Variants in WASHC2C observed in about 807,000 individuals in gnomAD.
WASHC2C encodes the protein Vaccinia Penetration Factor.
WASHC2C carries 73 observed loss-of-function variants against 142.2 expected under a neutral mutation model. The observed-to-expected ratio is 0.51, with a 90% CI of 0.43 to 0.62. The LOEUF is 0.62. WASHC2C is among the 20% of genes least tolerant of loss of function. The pLI is 0.00. For missense variants in WASHC2C, 969 were observed against 1,531.7 expected (o/e 0.63, Z 6.13); for synonymous variants, 337 against 565.5 (o/e 0.60, Z 5.73).
rs565153938 is a variant in WASHC2C at position 45,743,921 on chromosome 10, G to A, written c.622+438G>A. Among the ~76,000 whole-genome samples the A allele has an allele frequency of 6.0e-5, 9 of 150,320 alleles. No individual in the cohort carries two copies. The South Asian group carries it at 1.9e-3, about 32-fold the overall frequency. ...GCACCACCACACCTGGCCAATTTTT[G>A]TATTTTTAGTAGAGATGGGGTTTCA... On this transcript the variant is annotated intron_variant, in intron 6 of 30. Transcript: ENST00000623400.
In WASHC2C at chr10:45,757,010, A is replaced by G; in HGVS notation, c.1421-2A>G. 3 of 1,590,656 alleles carry G rather than the reference A, an allele frequency of 1.9e-6. No individual in the cohort carries two copies. Among genetic ancestry groups the G allele is most frequent in the Non-Finnish European group, 2.6e-6 (3 of 1,168,038 alleles). ...CATTTTATGCCTTGGTATTTTTTAC[A>G]GGCAAAGTCCAATCCACTGCCGATA... is the stretch of plus-strand genomic sequence containing the variant. On this transcript the variant is annotated splice_acceptor_variant, in intron 15 of 30. Coordinates refer to ENST00000623400, the MANE Select transcript of WASHC2C (RefSeq NM_001330074.2). LOFTEE classifies it high-confidence loss of function.
intron 26 of WASHC2C, 127 bp downstream of exon 26, chr10:45,785,758 C>G (rs2057993424): frequency 5.1e-6 from 8 of 1,569,406 alleles, no homozygotes; most frequent in Non-Finnish European, 6.9e-6. Flanking sequence ...AGGGCTACAG[C>G]TTTGTCTTCA....
Position 45,789,507 on chromosome 10 carries a change from A to T in WASHC2C, c.3708+16A>T. 16 of 1,611,986 alleles carry T rather than the reference A, an allele frequency of 9.9e-6. No homozygotes were observed. Among genetic ancestry groups the T allele is most frequent in the Non-Finnish European group, 1.4e-5 (16 of 1,179,836 alleles). ...TATTTTTGAGGTAATAGGACTTAAC[A>T]CGTTTTTGTGTCTGTTCTAAGTTAA... On this transcript the variant is annotated intron_variant, in intron 29 of 30. Coordinates refer to ENST00000623400, the MANE Select transcript of WASHC2C (RefSeq NM_001330074.2).
intron 4 of WASHC2C, among the ~76,000 whole-genome samples, chr10:45,738,431 TCA>T (rs1425843913): frequency 2.0e-5 from 3 of 150,386 alleles, no homozygotes; most frequent in Non-Finnish European, 1.5e-5. Flanking sequence ...AGGTTCTGGG[TCA>T]CACTGACTTC....
chr10:45,792,159 G>C (rs2058431222), intron 30 of WASHC2C, 102 bp from the exon 31 acceptor site: 1 of 1,278,476 alleles, frequency 7.8e-7, no homozygotes, highest in South Asian at 1.3e-5. Flanking sequence ...GGTACTCCAT[G>C]CTGTTACGAG....
intron 28 of WASHC2C, among the ~76,000 whole-genome samples, 160 bp downstream of exon 28, chr10:45,787,407 C>A (rs1442243284): frequency 5.3e-5 from 8 of 150,434 alleles, no homozygotes; most frequent in African/African-American, 1.7e-4. Context: ...TTCTCCCCAC[C>A]CCCCTCATCC....
chr10:45,768,477 C>T (rs1487378684), intron 19 of WASHC2C, among the ~76,000 whole-genome samples: 4 of 152,066 alleles, frequency 2.6e-5, no homozygotes, highest in African/African-American at 4.8e-5. Context: ...AAAATAGGGG[C>T]GGGGCCTGAA....
At chr10:45,736,766 T>G (rs2134179047) in intron 3 of WASHC2C, among the ~76,000 whole-genome samples, 2 of 152,264 alleles carry the variant, frequency 1.3e-5, no homozygotes, top group East Asian at 3.9e-4. Flanking sequence ...TTAAAATACA[T>G]CTCTTTTCCA....
At chr10:45,771,429 G>T in intron 20 of WASHC2C, 5 of 984,362 alleles carry the variant, frequency 5.1e-6, no homozygotes, top group Non-Finnish European at 6.0e-6. Context: ...AAGAAATAGG[G>T]AGTAGAGGGC....
intron 23 of WASHC2C, among the ~76,000 whole-genome samples, chr10:45,781,461 T>TA (rs1164613997): frequency 1.3e-5 from 2 of 151,222 alleles, no homozygotes; most frequent in Non-Finnish European, 3.0e-5. Context: ...TTTCAAAACT[T>TA]ACTTTAAGAC....
chr10:45,790,294 G>A, intron 29 of WASHC2C, 62 bp from the exon 30 acceptor site: 5 of 1,608,910 alleles, frequency 3.1e-6, no homozygotes, highest in Non-Finnish European at 4.2e-6. Context: ...TTGTTGACGT[G>A]TTTGAGTTTA....
intron 11 of WASHC2C, among the ~76,000 whole-genome samples, chr10:45,751,813 TA>T (rs1189207704): frequency 2.6e-5 from 4 of 152,008 alleles, no homozygotes; most frequent in Admixed American, 6.6e-5. Context: ...CCATTTCTAC[TA>T]AAAATACAAA....
chr10:45,790,628 A>G (rs2058339877), intron 30 of WASHC2C, 95 bp downstream of exon 30: 2 of 1,580,946 alleles, frequency 1.3e-6, no homozygotes, highest in South Asian at 1.1e-5. Context: ...TTTCTGGAAA[A>G]TGCACCCCAG....
chr10:45,727,171 C>G, upstream of WASHC2C: 1 of 1,449,886 alleles, frequency 6.9e-7, no homozygotes, highest in Non-Finnish European at 9.0e-7. Flanking sequence ...CATCGCAGGT[C>G]GGATCACGTG....
chr10:45,758,689 C>T (rs1188074739), intron 16 of WASHC2C, among the ~76,000 whole-genome samples: 11 of 150,946 alleles, frequency 7.3e-5, no homozygotes, highest in African/African-American at 2.4e-4. Flanking sequence ...CTCACTGCAG[C>T]CTCAACCTCC....
At chr10:45,784,289 TACACATATATATATATATATATACAC>T (rs2057831008) in intron 23 of WASHC2C, among the ~76,000 whole-genome samples, 1 of 17,720 alleles carries the variant, frequency 5.6e-5, no homozygotes, top group African/African-American at 1.3e-4. Context: ...TATATATATA[TACACATATATATATATATATATACAC>T]ACACATATAT....
chr10:45,748,453 C>G (rs1225868175), intron 8 of WASHC2C, among the ~76,000 whole-genome samples: 1 of 152,022 alleles, frequency 6.6e-6, no homozygotes, highest in Non-Finnish European at 1.5e-5. Flanking sequence ...CCATGCCCAG[C>G]TAGTTTTTGT....
intron 15 of WASHC2C, among the ~76,000 whole-genome samples, 179 bp from the exon 16 acceptor site, chr10:45,756,833 T>C (rs545190189): frequency 0.057 from 6,414 of 113,226 alleles, 3 homozygotes; most frequent in Middle Eastern, 0.13. Flanking sequence ...ACTGCTACTA[T>C]GCACTTTGAA....
intron 19 of WASHC2C, among the ~76,000 whole-genome samples, chr10:45,767,083 A>C (rs1260454283): frequency 6.6e-6 from 1 of 151,446 alleles, no homozygotes; most frequent in Non-Finnish European, 1.5e-5. Context: ...CCTAACCAAC[A>C]TGGAGAAACC....
Sources: gnomAD v4.1 joint callset for allele counts (sites outside exome capture counted in the v4.1 genomes callset) on GRCh38, gnomAD v4.1.1 for gene constraint, MANE v1.5 for transcripts, NCBI Gene and HGNC (gene_info 2026-07-23, HGNC 2026-07-21) for gene names.